ZNF552: variants seen among roughly 807,000 people sequenced by gnomAD.
The protein encoded by ZNF552 is zinc finger protein 552.
Under a neutral mutation model 7.2 loss-of-function variants are expected in ZNF552, and 2 were observed. That is an observed-to-expected ratio of 0.28 (90% CI 0.11 to 0.88). The LOEUF (loss-of-function observed/expected upper bound fraction) is 0.88. Ranked by LOEUF, ZNF552 falls within the 40% of genes least tolerant of loss-of-function variation. The pLI is 0.60. For missense variants in ZNF552, 421 were observed against 493.4 expected (o/e 0.85, Z 1.39); for synonymous variants, 173 against 176.5 (o/e 0.98, Z 0.16).
rs766738763 is a variant in ZNF552, at chr19:57,813,295, C to G, written c.159G>C (p.Leu53=). Residue 53 remains leucine (L), a splice_region_variant and synonymous_variant, in exon 2 of 3, where the codon CTG becomes CTC. Coordinates refer to ENST00000391701, the MANE Select transcript of ZNF552 (RefSeq NM_024762.3). ...TLENLALMSS[L]GCWCGVEDEA... ...CAGGGGTGAGTGTGGGCAACTTACC[C>G]AGGGAGGACATAAGTGCCAGGTTCT... is the stretch of plus-strand genomic sequence containing the variant. 11 of 1,614,036 alleles carry G rather than the reference C, an allele frequency of 6.8e-6. 1 individual carries two copies. In the South Asian group the frequency reaches 1.2e-4, roughly 18 times the overall value.
intron 2 of ZNF552, chr19:57,812,986 G>A: frequency 2.3e-6 from 1 of 435,264 alleles, no homozygotes; most frequent in Non-Finnish European, 4.1e-6. Context: ...AACAGGTAGA[G>A]GAATGAATTA....
chr19:57,814,427 A>C (rs1568491796), intron 1 of ZNF552: 1 of 1,239,162 alleles, frequency 8.1e-7, no homozygotes, highest in Non-Finnish European at 1.1e-6. Flanking sequence ...CTTTTCCAGG[A>C]GGAGTTCCGC....
At chr19:57,810,458 C>A (rs914593427) in intron 2 of ZNF552, among the ~76,000 whole-genome samples, 1 of 152,182 alleles carries the variant, frequency 6.6e-6, no homozygotes, top group Non-Finnish European at 1.5e-5. Flanking sequence ...TGTAACCCTA[C>A]TCCCAACCCT....
chr19:57,809,831 TA>T (rs1446250877), intron 2 of ZNF552, among the ~76,000 whole-genome samples: 1 of 151,924 alleles, frequency 6.6e-6, no homozygotes, highest in Non-Finnish European at 1.5e-5. Context: ...AAATTATTTT[TA>T]AAATGGCCAA....
rs1167385781 is a variant in ZNF552 at position 57,814,846 on chromosome 19, C to T, written c.-103G>A. The T allele has an allele frequency of 5.8e-6, 7 of 1,212,698 alleles. No individual in the cohort carries two copies. Among genetic ancestry groups the T allele is most frequent in the Non-Finnish European group, 8.1e-6 (7 of 866,388 alleles). 75.1% of individuals were successfully genotyped at this position (1,212,698 alleles called of 1,614,324 possible). ...AGAACGACTCTCGACCTCCTGGATC[C>T]AGTCACCACCACGGTCCCAACACAG... is the stretch of plus-strand genomic sequence containing the variant. On this transcript the variant is annotated 5_prime_UTR_variant, in exon 1 of 3. Coordinates refer to ENST00000391701, the MANE Select transcript of ZNF552 (RefSeq NM_024762.3).
In ZNF552 at chr19:57,807,247, G is replaced by C. The variant is rs1987758733; in HGVS notation, c.*793C>G. The C allele has an allele frequency of 1.3e-5, 2 of 152,172 alleles. No individual in the cohort carries two copies. Among genetic ancestry groups the C allele is most frequent in the African/African-American group, 2.4e-5 (1 of 41,444 alleles). 9.4% of individuals were successfully genotyped at this position (152,172 alleles called of 1,614,324 possible). ...ATAAATTCATTATTGTGACTCTGAT[G>C]ATGGTTTCATGGGATTATAAGAAAA... On this transcript the variant is annotated 3_prime_UTR_variant, in exon 3 of 3. Coordinates refer to ENST00000391701, the MANE Select transcript of ZNF552 (RefSeq NM_024762.3).
chr19:57,811,406 C>T (rs12978571), intron 2 of ZNF552, among the ~76,000 whole-genome samples: 28,213 of 151,990 alleles, frequency 0.19, 2,767 homozygotes, highest in African/African-American at 0.22. Context: ...TCGTGATCCG[C>T]CTGCCTCGGC....
At position 57,808,012 on chromosome 19, in the gene ZNF552, A is replaced by G. The variant is rs761522807; in HGVS notation, c.*28T>C. On this transcript the variant is annotated 3_prime_UTR_variant, in exon 3 of 3. Coordinates refer to ENST00000391701, the MANE Select transcript of ZNF552 (RefSeq NM_024762.3). ...ATCTTACTCAGGTGTGTATTCTCCA[A>G]TATTTAATGAGACTGGACTCACTGC... The G allele has an allele frequency of 3.2e-6, 5 of 1,563,174 alleles. No individual in the cohort carries two copies. The highest frequency in any genetic ancestry group is 2.2e-5 in the East Asian group (1 of 44,520).
chr19:57,813,820 C>T (rs1166114340), intron 1 of ZNF552, among the ~76,000 whole-genome samples: 1 of 148,116 alleles, frequency 6.8e-6, no homozygotes, highest in African/African-American at 2.5e-5. Context: ...TCTCGGCTCA[C>T]GCAACCTCCG....
Position 57,808,739 on chromosome 19 carries a change from C to T in ZNF552, c.525G>A (p.Gly175=). 1 of 1,614,122 alleles carries T rather than the reference C, an allele frequency of 6.2e-7. No individual in the cohort carries two copies. The highest frequency in any genetic ancestry group is 8.5e-7 in the Non-Finnish European group (1 of 1,180,036). ...ATCCTGACCTGAGCAAAAAGTCTTTCCCACTCTCACTGAAGACAGATGACT... is the reference window on the plus strand; with the variant it reads ...ATCCTGACCTGAGCAAAAAGTCTTTTCCACTCTCACTGAAGACAGATGACT... ...SGESSVFSES[G]KDFLLRSGLL... Residue 175 remains glycine (G), a synonymous_variant, in exon 3 of 3, where the codon GGG becomes GGA. Coordinates refer to ENST00000391701, the MANE Select transcript of ZNF552 (RefSeq NM_024762.3).
rs80049688 is a variant in ZNF552 at position 57,809,550 on chromosome 19, G to C, written c.161-447C>G. On this transcript the variant is annotated intron_variant, in intron 2 of 2. Transcript: ENST00000391701. The stretch of plus-strand genomic sequence containing the variant: ...ACTGGAAACCACTGCAGATGAAGAT[G>C]TGAATAAAATTAAGATGTGAGGTCC... Among the ~76,000 whole-genome samples, 9 of 151,984 alleles carry C rather than the reference G, an allele frequency of 5.9e-5. No individual in the cohort carries two copies. The East Asian group carries it at 1.6e-3, about 26-fold the overall frequency.
chr19:57,813,624 A>C (rs990928694), intron 1 of ZNF552, among the ~76,000 whole-genome samples: 6 of 152,004 alleles, frequency 3.9e-5, no homozygotes, highest in Non-Finnish European at 7.4e-5. Context: ...CTGTGATATA[A>C]GAGTCCACCC....
intron 2 of ZNF552, among the ~76,000 whole-genome samples, chr19:57,810,294 A>G (rs973672176): frequency 6.6e-6 from 1 of 152,154 alleles, no homozygotes; most frequent in Non-Finnish European, 1.5e-5. Context: ...ACATGGAGAA[A>G]CACTGTCTCT....
rs763172188 is a variant in ZNF552, at chr19:57,813,386, A to C, written c.68T>G (p.Phe23Cys). ...AAGGAGATTCCATTCCTCCTGGGTA[A>C]ATTTCACAGCCACGTCTTCAAAAGT... Reference protein sequence around the residue: ...TVTFEDVAVKFTQEEWNLLSE... With the variant: ...TVTFEDVAVKCTQEEWNLLSE... Residue 23 changes from phenylalanine to cysteine, a missense_variant, in exon 2 of 3, where the codon TTT becomes TGT. Transcript: ENST00000391701. 6.8e-6 allele frequency: 11 copies of C among 1,613,932 alleles called. 1 individual carries two copies. The South Asian group carries it at 9.9e-5, about 14-fold the overall frequency.
In ZNF552 at chr19:57,808,224, G is replaced by T. The variant is rs1260020526; in HGVS notation, c.1040C>A (p.Thr347Asn). The change falls in exon 3 of 3, where the codon ACT becomes AAT. Residue 347 changes from threonine to asparagine, a missense_variant. Physicochemically the swap from Thr to Asn is moderately conservative, Grantham distance 65. Coordinates refer to ENST00000391701, the MANE Select transcript of ZNF552 (RefSeq NM_024762.3). ...STFRVHKRVH[T>N]GQKPYECSEC... ...ACTGCACTCATAAGGCTTCTGACCA[G>T]TGTGAACTCTCTTATGAACACGGAA... The T allele has an allele frequency of 6.2e-7, 1 of 1,614,136 alleles. No individual in the cohort carries two copies. Among genetic ancestry groups the T allele is most frequent in the Non-Finnish European group, 8.5e-7 (1 of 1,180,024 alleles).
In ZNF552 at chr19:57,814,537, C is replaced by G. The variant is rs1306243591; in HGVS notation, c.33+174G>C. ...TGCCCGCGCCCCTCCCTGTACCTGT[C>G]GCTCTCCCCACCGCATCCCACGGGT... is the stretch of plus-strand genomic sequence containing the variant. On this transcript the variant is annotated intron_variant, in intron 1 of 2. Transcript: ENST00000391701. 2.6e-6 allele frequency: 4 copies of G among 1,539,820 alleles called. No individual in the cohort carries two copies. The Middle Eastern group carries it at 5.0e-4, about 193-fold the overall frequency.
rs777612143 is a variant in ZNF552, at chr19:57,809,144, G to A, written c.161-41C>T. On this transcript the variant is annotated intron_variant, in intron 2 of 2. Coordinates refer to ENST00000391701, the MANE Select transcript of ZNF552 (RefSeq NM_024762.3). ...TGCTGGTGAAGTGCATGTTAACTCTGGTGGGAAGGCACAGACCACCCACAA... is the reference window on the plus strand; with the variant it reads ...TGCTGGTGAAGTGCATGTTAACTCTAGTGGGAAGGCACAGACCACCCACAA... 2.2e-5 allele frequency: 34 copies of A among 1,560,722 alleles called. No homozygotes were observed. The South Asian group carries it at 3.6e-4, about 17-fold the overall frequency.
rs1162967437 is a variant in ZNF552, at chr19:57,811,715, C to CAAAA, written c.160+1575_160+1578dup. On this transcript the variant is annotated intron_variant, in intron 2 of 2. Transcript: ENST00000391701. ...GGACAACAAGAGCGAAACTCCATCT[C>CAAAA]AAAAAAAAAAAAAAAAAAAAAAACA... Among the ~76,000 whole-genome samples the CAAAA allele has an allele frequency of 5.0e-3, 246 of 49,652 alleles. 10 individuals are homozygous for CAAAA. Among genetic ancestry groups the CAAAA allele is most frequent in the South Asian group, 0.011 (12 of 1,044 alleles). 32.6% of individuals were successfully genotyped at this position (49,652 alleles called of 152,430 possible). A position where few individuals can be genotyped will look rare whatever the true frequency, so the allele number is the denominator to read the frequency against.
intron 1 of ZNF552, among the ~76,000 whole-genome samples, chr19:57,813,924 G>T (rs1987906530): frequency 6.6e-6 from 1 of 151,738 alleles, no homozygotes; most frequent in African/African-American, 2.4e-5. Flanking sequence ...TGTATTTTTA[G>T]TAGAGACAGG....
Sources: allele counts gnomAD v4.1 joint callset (sites outside exome capture counted in the v4.1 genomes callset), GRCh38; gene constraint gnomAD v4.1.1; transcripts MANE v1.5; gene names NCBI Gene and HGNC (gene_info 2026-07-23, HGNC 2026-07-21).